Variants in SLC38A11 observed in about 807,000 individuals in gnomAD.
The protein encoded by SLC38A11 is solute carrier family 38 member 11.
Under a neutral mutation model 49.4 loss-of-function variants are expected in SLC38A11, and 51 were observed. That is an observed-to-expected ratio of 1.03 (90% CI 0.83 to 1.30). SLC38A11 has a LOEUF of 1.30. Among genes scored for constraint, SLC38A11 ranks in the 50% most tolerant of loss-of-function variants. The pLI is 0.00. For missense variants in SLC38A11, 574 were observed against 556.2 expected (o/e 1.03, Z -0.32); for synonymous variants, 203 against 192.9 (o/e 1.05, Z -0.43).
chr2:164,911,866 T>C (rs888137371), intron 9 of SLC38A11, 118 bp from the exon 10 acceptor site: 14 of 538,904 alleles, frequency 2.6e-5, no homozygotes, highest in Non-Finnish European at 4.2e-5. Flanking sequence ...ACATATATGA[T>C]TACAATGCTG....
chr2:164,915,462 T>C, intron 8 of SLC38A11, 189 bp from the exon 9 acceptor site: 1 of 529,480 alleles, frequency 1.9e-6, no homozygotes, highest in South Asian at 3.4e-5. Context: ...ACATCAGGCT[T>C]ATGTGGTCTT....
chr2:164,905,715 G>C (rs1040427462), intron 11 of SLC38A11, among the ~76,000 whole-genome samples: 6 of 151,758 alleles, frequency 4.0e-5, no homozygotes, highest in African/African-American at 1.5e-4. Context: ...TAATTGTCTT[G>C]GGCTATTAGG....
chr2:164,902,278 C>G (rs1329663315), intron 11 of SLC38A11, among the ~76,000 whole-genome samples: 1 of 152,014 alleles, frequency 6.6e-6, no homozygotes, highest in Non-Finnish European at 1.5e-5. Flanking sequence ...GCCTTAGCCT[C>G]CCAAAGTGCT....
At chr2:164,936,257 T>G (rs12469684) in intron 7 of SLC38A11, among the ~76,000 whole-genome samples, 6,095 of 152,252 alleles carry the variant, frequency 0.04, 368 homozygotes, top group East Asian at 0.29. Flanking sequence ...GACTGGATAT[T>G]TAACAGATAT....
In SLC38A11 at chr2:164,954,687, C is replaced by G; in HGVS notation, c.98G>C (p.Cys33Ser). The change falls in exon 2 of 12, where the codon TGT (cysteine) becomes TCT (serine). Residue 33 changes from cysteine (C) to serine (S), a missense_variant. Coordinates refer to ENST00000685975, the MANE Select transcript of SLC38A11 (RefSeq NM_001351537.2). Reference sequence around the variant, plus strand: ...AACATTAAAAAGAGCAGCAGACTGACAGGTTTTCTCTTTATACTCATGTTC... The same window carrying G: ...AACATTAAAAAGAGCAGCAGACTGAGAGGTTTTCTCTTTATACTCATGTTC... ...VSEHEYKEKTCQSAALFNVVN... is the reference protein window; with the variant it reads ...VSEHEYKEKTSQSAALFNVVN... 3 of 1,544,486 alleles carry G rather than the reference C, an allele frequency of 1.9e-6. No individual in the cohort carries two copies. Among genetic ancestry groups the G allele is most frequent in the Non-Finnish European group, 2.6e-6 (3 of 1,143,268 alleles).
chr2:164,933,027 A>C (rs970608266), intron 7 of SLC38A11, among the ~76,000 whole-genome samples: 1 of 152,012 alleles, frequency 6.6e-6, no homozygotes, highest in African/African-American at 2.4e-5. Context: ...TGCAGAATTC[A>C]GGGTTTGAAT....
rs904154198 is a variant in SLC38A11 at position 164,897,902 on chromosome 2, C to T, written c.*535G>A. On this transcript the variant is annotated 3_prime_UTR_variant, in exon 12 of 12. Coordinates refer to ENST00000685975, the MANE Select transcript of SLC38A11 (RefSeq NM_001351537.2). ...TTCCTCACATGGAGAGGTCTTTGCT[C>T]ATTTCTCCAGGGATCCATTTCCCTT... 1 of 152,630 alleles carries T rather than the reference C, an allele frequency of 6.6e-6. No individual in the cohort carries two copies. Among genetic ancestry groups the T allele is most frequent in the African/African-American group, 2.4e-5 (1 of 41,418 alleles). 9.5% of individuals were successfully genotyped at this position (152,630 alleles called of 1,614,324 possible).
chr2:164,919,772 A>G lies in SLC38A11; in HGVS notation c.618-3799T>C, dbSNP rs142791763. The stretch of plus-strand genomic sequence containing the variant: ...TTTTAAAATTTGTATCATTATTGTC[A>G]TATTGTTATTTTTAATTTTTTTCCA... On this transcript the variant is annotated intron_variant, in intron 7 of 11. Coordinates refer to ENST00000685975, the MANE Select transcript of SLC38A11 (RefSeq NM_001351537.2). Among the ~76,000 whole-genome samples the G allele has an allele frequency of 4.2e-4, 64 of 152,272 alleles. 2 individuals carry two copies. The East Asian group carries it at 0.012, about 29-fold the overall frequency.
chr2:164,914,398 T>C (rs563561962), intron 9 of SLC38A11, among the ~76,000 whole-genome samples: 16 of 151,892 alleles, frequency 1.1e-4, no homozygotes, highest in Non-Finnish European at 2.2e-4. Flanking sequence ...GAGAGAAATA[T>C]CTTTGGAGGG....
chr2:164,941,654 G>T (rs1464820379), intron 5 of SLC38A11, among the ~76,000 whole-genome samples: 2 of 152,010 alleles, frequency 1.3e-5, no homozygotes, highest in African/African-American at 2.4e-5. Flanking sequence ...TTTATGAAGA[G>T]CGTTATTCAT....
intron 9 of SLC38A11, 127 bp downstream of exon 9, chr2:164,914,985 A>G: frequency 1.2e-6 from 1 of 829,570 alleles, no homozygotes; most frequent in Non-Finnish European, 1.7e-6. Flanking sequence ...AGGAGGGTAG[A>G]GAGAATGGGT....
Position 164,898,315 on chromosome 2 carries a change from A to G in SLC38A11, c.*122T>C, listed in dbSNP as rs543244829. 10 of 743,282 alleles carry G rather than the reference A, an allele frequency of 1.3e-5. No individual in the cohort carries two copies. The Middle Eastern group carries it at 1.2e-3, about 88-fold the overall frequency. 46.0% of individuals were successfully genotyped at this position (743,282 alleles called of 1,614,324 possible). A position where few individuals can be genotyped will look rare whatever the true frequency, so the allele number is the denominator to read the frequency against. ...ATCTTTTATATTGCACTACTCATAA[A>G]AGCCAAGTCTTGATAAAAGCCAAAA... On this transcript the variant is annotated 3_prime_UTR_variant, in exon 12 of 12. Transcript: ENST00000685975.
Position 164,896,940 on chromosome 2 carries a change from G to A in SLC38A11, c.*1497C>T, listed in dbSNP as rs1417693937. The A allele has an allele frequency of 1.3e-5, 2 of 151,844 alleles. No individual in the cohort carries two copies. Among genetic ancestry groups the A allele is most frequent in the Middle Eastern group, 3.2e-3 (1 of 316 alleles). The allele number at this position is 151,844 out of a possible 1,614,324, so 9.4% of individuals were successfully genotyped here. A position where few individuals can be genotyped will look rare whatever the true frequency, so the allele number is the denominator to read the frequency against. ...TGATTTGTACAAACTCATCATATAT[G>A]TATTAACTCTGCTTGTGATAGTTTC... On this transcript the variant is annotated 3_prime_UTR_variant, in exon 12 of 12. Transcript: ENST00000685975.
intron 7 of SLC38A11, among the ~76,000 whole-genome samples, chr2:164,923,911 AT>A (rs1467576269): frequency 6.6e-6 from 1 of 152,186 alleles, no homozygotes; most frequent in Non-Finnish European, 1.5e-5. Flanking sequence ...GTTTGGAGAT[AT>A]TTCAAATAAA....
chr2:164,922,332 T>A (rs1177305074), intron 7 of SLC38A11: 1 of 152,290 alleles, frequency 6.6e-6, no homozygotes, highest in East Asian at 1.9e-4. Context: ...GGGAGTTGAG[T>A]GCTTTGGATG....
intron 9 of SLC38A11, among the ~76,000 whole-genome samples, chr2:164,913,056 C>T (rs955034057): frequency 2.0e-5 from 3 of 151,726 alleles, no homozygotes; most frequent in Non-Finnish European, 2.9e-5. Context: ...AATACTACAC[C>T]ATTTAAAAAG....
intron 7 of SLC38A11, among the ~76,000 whole-genome samples, chr2:164,932,241 T>C (rs1430433015): frequency 6.6e-6 from 1 of 152,044 alleles, no homozygotes; most frequent in Non-Finnish European, 1.5e-5. Flanking sequence ...ATGGCTATTA[T>C]TTAAAAAGTA....
chr2:164,909,054 A>G (rs1559090871), intron 10 of SLC38A11, among the ~76,000 whole-genome samples: 1 of 152,154 alleles, frequency 6.6e-6, no homozygotes, highest in Admixed American at 6.6e-5. Flanking sequence ...CAAGTACAGG[A>G]GAGACTTTGG....
At position 164,896,519 on chromosome 2, in the gene SLC38A11, A is replaced by G. The variant is rs947467687; in HGVS notation, c.*1918T>C. On this transcript the variant is annotated 3_prime_UTR_variant, in exon 12 of 12. Transcript: ENST00000685975. Reference sequence around the variant, plus strand: ...GTGTTTCTCAGTCTTGAGCAATGTAATGACAGACTGTGGCAAAAATTTCTT... The same window carrying G: ...GTGTTTCTCAGTCTTGAGCAATGTAGTGACAGACTGTGGCAAAAATTTCTT... The G allele has an allele frequency of 2.0e-5, 3 of 152,160 alleles. No homozygotes were observed. Among genetic ancestry groups the G allele is most frequent in the African/African-American group, 4.8e-5 (2 of 41,446 alleles). The allele number at this position is 152,160 out of a possible 1,614,324, so 9.4% of individuals were successfully genotyped here.
Sources: allele counts gnomAD v4.1 joint callset (sites outside exome capture counted in the v4.1 genomes callset), GRCh38; gene constraint gnomAD v4.1.1; transcripts MANE v1.5; gene names NCBI Gene and HGNC (gene_info 2026-07-23, HGNC 2026-07-21).